Variants in CCDC134 observed in about 807,000 individuals in gnomAD.
CCDC134 encodes the protein coiled-coil domain containing 134, also known as coiled-coil domain-containing protein 134.
CCDC134 carries 27 observed loss-of-function variants against 25.6 expected under a neutral mutation model. That is an observed-to-expected ratio of 1.05 (90% CI 0.78 to 1.45). The LOEUF (loss-of-function observed/expected upper bound fraction) is 1.45. Ranked by LOEUF, CCDC134 falls within the 40% of genes most tolerant of loss-of-function variation. The pLI is 0.00. For missense variants in CCDC134, 261 were observed against 286.7 expected, an observed-to-expected ratio of 0.91 and a Z score of 0.65; for synonymous variants, 110 against 115.0, an observed-to-expected ratio of 0.96 and a Z score of 0.28.
chr22:41,812,636 GTAATTAAT>G (rs59926444), intron 4 of CCDC134, among the ~76,000 whole-genome samples: 1 of 151,800 alleles, frequency 6.6e-6, no homozygotes, highest in South Asian at 2.1e-4. Flanking sequence ...CACCTCTAAA[GTAATTAAT>G]TAATTAATTA....
In CCDC134 at chr22:41,830,277, C is replaced by G. The variant is rs1319330009; in HGVS notation, c.*4454C>G. On this transcript the variant is annotated 3_prime_UTR_variant, in exon 7 of 7. Transcript: ENST00000255784. ...TCCAGCCACCCTTCTTCCACCATTT[C>G]TACTGAGCCTTCAGTTGTACCCCTT... is the stretch of plus-strand genomic sequence containing the variant. Among the ~76,000 whole-genome samples, 1 of 152,254 alleles carries G rather than the reference C, an allele frequency of 6.6e-6. No individual in the cohort carries two copies. Among genetic ancestry groups the G allele is most frequent in the Admixed American group, 6.5e-5 (1 of 15,290 alleles).
In CCDC134 at chr22:41,810,305, T is replaced by C. The variant is rs780525641; in HGVS notation, c.310+14T>C. Reference sequence around the variant, plus strand: ...AGCTGAAGGATGGTATGGTCTGCCCTGCCCCGCCCTGTCCTCCGCACCACC... The same window carrying C: ...AGCTGAAGGATGGTATGGTCTGCCCCGCCCCGCCCTGTCCTCCGCACCACC... On this transcript the variant is annotated intron_variant, in intron 4 of 6. Transcript: ENST00000255784. 15 of 1,609,200 alleles carry C rather than the reference T, an allele frequency of 9.3e-6. No homozygotes were observed. The highest frequency in any genetic ancestry group is 2.6e-6 in the Non-Finnish European group (3 of 1,176,358).
intron 4 of CCDC134, among the ~76,000 whole-genome samples, chr22:41,810,496 T>C (rs1417027778): frequency 1.5e-5 from 2 of 136,788 alleles, no homozygotes; most frequent in Admixed American, 1.4e-4. Flanking sequence ...TTTCTTTTTT[T>C]TTTTTTTTTT....
At chr22:41,824,811 G>C (rs2076668580) in intron 6 of CCDC134, among the ~76,000 whole-genome samples, 1 of 152,142 alleles carries the variant, frequency 6.6e-6, no homozygotes, top group African/African-American at 2.4e-5. Flanking sequence ...AGAATGACTT[G>C]AGAGGGACCA....
intron 1 of CCDC134, among the ~76,000 whole-genome samples, chr22:41,802,328 T>A (rs1304321125): frequency 6.6e-6 from 1 of 152,220 alleles, no homozygotes; most frequent in African/African-American, 2.4e-5. Flanking sequence ...GGTCCCTCAG[T>A]GCTGGGACGG....
intron 6 of CCDC134, among the ~76,000 whole-genome samples, chr22:41,817,929 T>C (rs567060871): frequency 6.6e-6 from 1 of 152,244 alleles, no homozygotes; most frequent in African/African-American, 2.4e-5. Flanking sequence ...CTGACTGGCC[T>C]TTATGGCAGT....
chr22:41,802,537 A>G (rs2076548481), intron 1 of CCDC134, among the ~76,000 whole-genome samples: 1 of 152,152 alleles, frequency 6.6e-6, no homozygotes, highest in African/African-American at 2.4e-5. Flanking sequence ...GCAACCGCCA[A>G]GGCGGGCGGA....
Position 41,828,945 on chromosome 22 carries a change from C to T in CCDC134, c.*3122C>T, listed in dbSNP as rs1412229288. ...ACTCAGCTGCTAGTCTGTGAGCTCC[C>T]TGATATCCTTTAAGACAGCGTTTTC... is the stretch of plus-strand genomic sequence containing the variant. On this transcript the variant is annotated 3_prime_UTR_variant, in exon 7 of 7. Transcript: ENST00000255784. Among the ~76,000 whole-genome samples, 3 of 152,166 alleles carry T rather than the reference C, an allele frequency of 2.0e-5. No individual in the cohort carries two copies. Among genetic ancestry groups the T allele is most frequent in the Admixed American group, 6.5e-5 (1 of 15,280 alleles).
chr22:41,820,737 C>T (rs2076647701), intron 6 of CCDC134, among the ~76,000 whole-genome samples: 3 of 152,056 alleles, frequency 2.0e-5, no homozygotes, highest in Non-Finnish European at 4.4e-5. Flanking sequence ...CTCATTTTTT[C>T]AAATGCTTGG....
chr22:41,820,698 T>C (rs1393378416), intron 6 of CCDC134, among the ~76,000 whole-genome samples: 3 of 152,132 alleles, frequency 2.0e-5, no homozygotes, highest in African/African-American at 7.2e-5. Flanking sequence ...ACTAGAAGAC[T>C]TTTGGCCTGA....
At chr22:41,813,115 A>C in intron 4 of CCDC134, 149 bp from the exon 5 acceptor site, 1 of 726,916 alleles carries the variant, frequency 1.4e-6, no homozygotes, top group Non-Finnish European at 2.3e-6. Context: ...CGCACTGTAC[A>C]TGTGATTGGC....
At chr22:41,812,963 G>A (rs1490882961) in intron 4 of CCDC134, among the ~76,000 whole-genome samples, 2 of 152,146 alleles carry the variant, frequency 1.3e-5, no homozygotes, top group African/African-American at 4.8e-5. Flanking sequence ...TTGGGCTGAC[G>A]GACCTGGGTT....
chr22:41,824,375 C>T (rs993536891), intron 6 of CCDC134, among the ~76,000 whole-genome samples: 10 of 152,092 alleles, frequency 6.6e-5, no homozygotes, highest in South Asian at 4.2e-4. Context: ...GAGAGGCGGG[C>T]GGGGTGGACC....
chr22:41,809,070 G>C, intron 2 of CCDC134, 77 bp downstream of exon 2: 1 of 1,225,144 alleles, frequency 8.2e-7, no homozygotes, highest in Admixed American at 2.1e-5. Flanking sequence ...GGGATTCCAG[G>C]GATAAGCAGG....
Position 41,808,952 on chromosome 22 carries a change from CAGGCACCTT to C in CCDC134, c.63_71del (p.Gly22_Leu24del). The C allele has an allele frequency of 6.2e-7, 1 of 1,614,212 alleles. No individual in the cohort carries two copies. Among genetic ancestry groups the C allele is most frequent in the Non-Finnish European group, 8.5e-7 (1 of 1,180,048 alleles). On this transcript the variant is annotated inframe_deletion, in exon 2 of 7. Coordinates refer to ENST00000255784, the MANE Select transcript of CCDC134 (RefSeq NM_024821.5). ...CTGCTTTTGTCTGGGATGGGAGCCA[CAGGCACCTT>C]GAGGACCTCCCTGGACCCAAGCCTG...
intron 1 of CCDC134, among the ~76,000 whole-genome samples, chr22:41,803,560 G>A (rs1282913806): frequency 6.6e-6 from 1 of 152,080 alleles, no homozygotes; most frequent in Non-Finnish European, 1.5e-5. Context: ...TTGAACCCAG[G>A]AGTTCGAGAC....
At chr22:41,819,962 TTTA>T (rs1467167322) in intron 6 of CCDC134, among the ~76,000 whole-genome samples, 1 of 89,646 alleles carries the variant, frequency 1.1e-5, no homozygotes, top group African/African-American at 5.0e-5. Context: ...GACTTACCAC[TTTA>T]TATATATATA....
chr22:41,803,068 C>G (rs915420186), intron 1 of CCDC134, among the ~76,000 whole-genome samples: 11 of 151,868 alleles, frequency 7.2e-5, no homozygotes, highest in Non-Finnish European at 1.0e-4. Context: ...GAGCCGAGAT[C>G]GCACCATTGC....
chr22:41,820,904 C>A (rs551504989), intron 6 of CCDC134, among the ~76,000 whole-genome samples: 1 of 152,084 alleles, frequency 6.6e-6, no homozygotes, highest in Admixed American at 6.5e-5. Flanking sequence ...CACCAAAAGC[C>A]GTGAGACAGG....
Sources: allele counts gnomAD v4.1 joint callset (sites outside exome capture counted in the v4.1 genomes callset), GRCh38; gene constraint gnomAD v4.1.1; transcripts MANE v1.5; gene names NCBI Gene and HGNC (gene_info 2026-07-23, HGNC 2026-07-21).